CTNNA2: variants seen among roughly 807,000 people sequenced by gnomAD.
The protein encoded by CTNNA2 is catenin alpha-2.
A neutral mutation model predicts 101.0 loss-of-function variants in CTNNA2; 42 were observed. That is an observed-to-expected ratio of 0.42 (90% CI 0.32 to 0.54). The LOEUF is 0.54. Ranked by LOEUF, CTNNA2 falls within the 20% of genes least tolerant of loss-of-function variation. The pLI, the probability that CTNNA2 is intolerant of heterozygous loss-of-function variation, is 0.14. For synonymous variants in CTNNA2, 450 were observed against 456.4 expected, an observed-to-expected ratio of 0.99 and a Z score of 0.18; for missense variants, 871 against 1,223.1, an observed-to-expected ratio of 0.71 and a Z score of 4.29.
At chr2:80,465,742 A>C (rs562971095) in intron 9 of CTNNA2, among the ~76,000 whole-genome samples, 1 of 152,306 alleles carries the variant, frequency 6.6e-6, no homozygotes, top group African/African-American at 2.4e-5. Context: ...AAAGATGTGA[A>C]ACCAAAGAAT....
intron 4 of CTNNA2, chr2:79,493,864 A>G (rs1483390018): frequency 6.6e-6 from 1 of 152,148 alleles, no homozygotes; most frequent in African/African-American, 2.4e-5. Context: ...TTGTTCCTTC[A>G]GTCTTTGAAC....
At chr2:80,144,471 A>T (rs1343181833) in intron 7 of CTNNA2, among the ~76,000 whole-genome samples, 1 of 152,200 alleles carries the variant, frequency 6.6e-6, no homozygotes, top group Non-Finnish European at 1.5e-5. Context: ...CAACTTATCA[A>T]TAAGGCAGTT....
At chr2:79,483,334 C>A (rs186439213) in intron 4 of CTNNA2, among the ~76,000 whole-genome samples, 26 of 152,340 alleles carry the variant, frequency 1.7e-4, no homozygotes, top group African/African-American at 6.3e-4. Flanking sequence ...AATTTAGTGT[C>A]TTAAAACTAT....
chr2:80,238,135 TA>T (rs1709643414), intron 7 of CTNNA2, among the ~76,000 whole-genome samples: 2 of 152,182 alleles, frequency 1.3e-5, no homozygotes, highest in South Asian at 4.1e-4. Context: ...TGGACTGTAA[TA>T]GTGCATTCTC....
At chr2:79,610,419 A>G (rs1275811377) in intron 1 of CTNNA2, among the ~76,000 whole-genome samples, 1 of 152,178 alleles carries the variant, frequency 6.6e-6, no homozygotes, top group Non-Finnish European at 1.5e-5. Context: ...CTTGCAGATG[A>G]ATGTTTATAG....
chr2:79,220,956 G>A (rs537764511), intron 2 of CTNNA2, among the ~76,000 whole-genome samples: 1 of 152,272 alleles, frequency 6.6e-6, no homozygotes, highest in African/African-American at 2.4e-5. Flanking sequence ...AATAAACATT[G>A]AGATTGAACT....
chr2:79,806,185 T>C (rs1462392010), intron 3 of CTNNA2, among the ~76,000 whole-genome samples: 1 of 151,138 alleles, frequency 6.6e-6, no homozygotes, highest in African/African-American at 2.4e-5. Context: ...AAATGGGGAC[T>C]AAGGCCACCC....
intron 7 of CTNNA2, among the ~76,000 whole-genome samples, chr2:80,250,204 A>AGAGAGAGAGTGTGTGT: frequency 1.0e-5 from 1 of 96,502 alleles, no homozygotes; most frequent in African/African-American, 3.0e-5. Context: ...AGAGAGAGAG[A>AGAGAGAGAGTGTGTGT]GTGTGTGTGT....
At chr2:80,472,681 G>T (rs1404129422) in intron 9 of CTNNA2, among the ~76,000 whole-genome samples, 1 of 152,144 alleles carries the variant, frequency 6.6e-6, no homozygotes, top group Non-Finnish European at 1.5e-5. Context: ...CCCAAGAAAA[G>T]ACTGGGACCC....
chr2:79,859,093 C>T (rs939056853), intron 4 of CTNNA2, among the ~76,000 whole-genome samples: 1 of 152,068 alleles, frequency 6.6e-6, no homozygotes, highest in East Asian at 1.9e-4. Context: ...GAACAATTGG[C>T]ACCAACTCTG....
intron 1 of CTNNA2, among the ~76,000 whole-genome samples, chr2:79,581,218 A>C (rs1015589072): frequency 6.6e-6 from 1 of 152,172 alleles, no homozygotes; most frequent in Non-Finnish European, 1.5e-5. Flanking sequence ...GGTGAAGATA[A>C]ATTTATGAAA....
At chr2:80,085,670 G>T (rs1402546830) in intron 7 of CTNNA2, among the ~76,000 whole-genome samples, 1 of 151,934 alleles carries the variant, frequency 6.6e-6, no homozygotes, top group Admixed American at 6.6e-5. Flanking sequence ...TCTGCATGTT[G>T]TCTGTCTCTG....
intron 1 of CTNNA2, among the ~76,000 whole-genome samples, chr2:79,582,104 T>G (rs2103909496): frequency 6.6e-6 from 1 of 152,356 alleles, no homozygotes; most frequent in East Asian, 1.9e-4. Context: ...CCAGCCTGCC[T>G]CATACTGGCT....
intron 7 of CTNNA2, among the ~76,000 whole-genome samples, chr2:79,942,973 T>C (rs1424068629): frequency 6.6e-6 from 1 of 152,054 alleles, no homozygotes; most frequent in Non-Finnish European, 1.5e-5. Flanking sequence ...TCCCAGCGCT[T>C]TGAGAGGCCG....
chr2:79,532,107 A>G (rs1672782714), intron 1 of CTNNA2, among the ~76,000 whole-genome samples: 1 of 152,162 alleles, frequency 6.6e-6, no homozygotes, highest in African/African-American at 2.4e-5. Context: ...CAAGAATTCT[A>G]CCATTATATT....
At chr2:80,624,168 C>T (rs1264829701) in intron 18 of CTNNA2, among the ~76,000 whole-genome samples, 1 of 151,768 alleles carries the variant, frequency 6.6e-6, no homozygotes, top group Non-Finnish European at 1.5e-5. Flanking sequence ...GGCAATAATC[C>T]AGAGTAACAT....
intron 4 of CTNNA2, among the ~76,000 whole-genome samples, chr2:79,401,348 T>C (rs928749898): frequency 1.3e-5 from 2 of 151,364 alleles, no homozygotes; most frequent in African/African-American, 4.8e-5. Flanking sequence ...TATATTTTTT[T>C]AAAACACTTT....
intron 7 of CTNNA2, among the ~76,000 whole-genome samples, chr2:80,042,355 G>T (rs569121267): frequency 6.6e-6 from 1 of 152,146 alleles, no homozygotes; most frequent in African/African-American, 2.4e-5. Flanking sequence ...GGAGAATGGC[G>T]TCAAGGCTTA....
intron 3 of CTNNA2, among the ~76,000 whole-genome samples, chr2:79,789,095 A>G (rs2105241464): frequency 6.6e-6 from 1 of 152,288 alleles, no homozygotes; most frequent in Non-Finnish European, 1.5e-5. Context: ...AAATGTTACA[A>G]TCGTCATATA....
Sources: allele counts gnomAD v4.1 joint callset (sites outside exome capture counted in the v4.1 genomes callset), GRCh38; gene constraint gnomAD v4.1.1; transcripts MANE v1.5; gene names NCBI Gene and HGNC (gene_info 2026-07-23, HGNC 2026-07-21).